The following DAB1 variants were observed in gnomAD, a reference collection of about 807,000 sequenced individuals.
DAB1 encodes disabled homolog 1.
Under a neutral mutation model 64.6 loss-of-function variants are expected in DAB1, and 15 were observed. The ratio of observed to expected loss-of-function variants is 0.23; its 90% CI spans 0.16 to 0.36. DAB1 has a LOEUF of 0.36. Ranked by LOEUF, DAB1 falls within the 10% of genes least tolerant of loss-of-function variation. The pLI is 1.00. For synonymous variants in DAB1, 235 were observed against 251.9 expected, an observed-to-expected ratio of 0.93 and a Z score of 0.64; for missense variants, 596 against 706.7, an observed-to-expected ratio of 0.84 and a Z score of 1.78.
intron 6 of DAB1, among the ~76,000 whole-genome samples, chr1:57,786,345 T>C (rs530574738): frequency 5.3e-5 from 8 of 152,230 alleles, no homozygotes; most frequent in Admixed American, 2.0e-4. Flanking sequence ...TGTACCAATA[T>C]AGATGCTATT....
chr1:57,373,072 T>C (rs931595189), intron 1 of DAB1, among the ~76,000 whole-genome samples: 7 of 152,012 alleles, frequency 4.6e-5, no homozygotes, highest in African/African-American at 1.5e-4. Flanking sequence ...TAGTCTCAGC[T>C]ACTCTGGGAG....
chr1:57,148,770 G>A (rs536711441), intron 2 of DAB1, among the ~76,000 whole-genome samples: 3 of 152,296 alleles, frequency 2.0e-5, no homozygotes, highest in East Asian at 3.9e-4. Context: ...GCTCCATAAT[G>A]AGTCCTCTTT....
At chr1:57,185,253 G>C (rs886259581) in intron 2 of DAB1, among the ~76,000 whole-genome samples, 1 of 152,128 alleles carries the variant, frequency 6.6e-6, no homozygotes, top group Admixed American at 6.6e-5. Context: ...TTATTCCATA[G>C]TACCCTGGGC....
intron 6 of DAB1, among the ~76,000 whole-genome samples, chr1:57,733,200 A>G (rs1454732765): frequency 6.6e-6 from 1 of 151,878 alleles, no homozygotes; most frequent in African/African-American, 2.4e-5. Flanking sequence ...TAAAATTGCA[A>G]CTTGCTCTCC....
chr1:57,718,803 C>G (rs1182515557), intron 6 of DAB1, among the ~76,000 whole-genome samples: 1 of 151,982 alleles, frequency 6.6e-6, no homozygotes, highest in Non-Finnish European at 1.5e-5. Flanking sequence ...TTGAAATATT[C>G]AATCAGATAA....
intron 5 of DAB1, among the ~76,000 whole-genome samples, chr1:58,011,970 C>T (rs577565221): frequency 2.9e-3 from 446 of 152,250 alleles, no homozygotes; most frequent in African/African-American, 9.4e-3. Flanking sequence ...GAATTACAGG[C>T]GTGAGCCACC....
intron 7 of DAB1, among the ~76,000 whole-genome samples, chr1:57,444,292 C>A (rs962243715): frequency 6.6e-6 from 1 of 152,078 alleles, no homozygotes; most frequent in Non-Finnish European, 1.5e-5. Flanking sequence ...TCTGTCATTT[C>A]CCTTAATAGA....
chr1:57,889,513 A>C (rs1395604772), intron 5 of DAB1, among the ~76,000 whole-genome samples: 1 of 152,256 alleles, frequency 6.6e-6, no homozygotes. Flanking sequence ...TAAAAGGCTA[A>C]AACATATTTT....
At position 58,079,515 on chromosome 1, in the gene DAB1, CTTTTTTTT is replaced by C. The variant is rs66960756; in HGVS notation, n.387+70988_387+70995del. 7.6e-3 allele frequency among the ~76,000 whole-genome samples: 516 copies of C among 67,872 alleles called. 2 individuals are homozygous for C. The highest frequency in any genetic ancestry group is 0.028 in the African/African-American group (496 of 17,478). 44.5% of individuals were successfully genotyped at this position (67,872 alleles called of 152,430 possible). ...ATTGTTAAATGAATGAGCATACCAT[CTTTTTTTT>C]TTTTTTTTTTTTTTTTTGAGATGGA... On this transcript the variant is annotated intron_variant and non_coding_transcript_variant, in intron 5 of 20. Transcript: ENST00000485760.
At chr1:58,294,242 C>A (rs1661916078) in intron 4 of DAB1, among the ~76,000 whole-genome samples, 1 of 152,070 alleles carries the variant, frequency 6.6e-6, no homozygotes, top group African/African-American at 2.4e-5. Flanking sequence ...TGAAAAAAAT[C>A]TCCCAAATGC....
At chr1:58,470,911 G>A (rs749849213) in intron 3 of DAB1, among the ~76,000 whole-genome samples, 9 of 152,102 alleles carry the variant, frequency 5.9e-5, no homozygotes, top group African/African-American at 9.7e-5. Context: ...CTGTAGACTT[G>A]GATCCAGGCA....
intron 3 of DAB1, chr1:58,468,440 CATG>C (rs1219740354): frequency 6.6e-6 from 1 of 152,174 alleles, no homozygotes; most frequent in African/African-American, 2.4e-5. Flanking sequence ...TATTCCATTG[CATG>C]ATGATATCAT....
chr1:57,445,857 C>T (rs1686118039), intron 7 of DAB1, among the ~76,000 whole-genome samples: 1 of 152,140 alleles, frequency 6.6e-6, no homozygotes, highest in South Asian at 2.1e-4. Context: ...CACTTGAGGA[C>T]TTTCTGATGA....
intron 1 of DAB1, among the ~76,000 whole-genome samples, chr1:57,378,923 C>T (rs1474966928): frequency 6.6e-6 from 1 of 152,154 alleles, no homozygotes; most frequent in African/African-American, 2.4e-5. Flanking sequence ...CTTTGATTAG[C>T]TTCTCTTCTA....
intron 2 of DAB1, among the ~76,000 whole-genome samples, chr1:57,236,464 A>T (rs1668095253): frequency 6.6e-6 from 1 of 152,180 alleles, no homozygotes; most frequent in Non-Finnish European, 1.5e-5. Context: ...AAGGACAAGC[A>T]CAAAGAACGT....
At chr1:58,334,556 G>A (rs1663055394) in intron 4 of DAB1, among the ~76,000 whole-genome samples, 1 of 150,578 alleles carries the variant, frequency 6.6e-6, no homozygotes, top group African/African-American at 2.4e-5. Flanking sequence ...AGTGTGGAAA[G>A]CTCACAGGCA....
At chr1:57,082,167 T>G (rs555374233) in intron 4 of DAB1, among the ~76,000 whole-genome samples, 2 of 152,296 alleles carry the variant, frequency 1.3e-5, no homozygotes, top group South Asian at 4.1e-4. Context: ...AGTTTTAGAA[T>G]TATCCTTTTA....
intron 4 of DAB1, among the ~76,000 whole-genome samples, 199 bp downstream of exon 4, chr1:57,136,344 T>C (rs1404750796): frequency 6.6e-6 from 1 of 152,180 alleles, no homozygotes; most frequent in Non-Finnish European, 1.5e-5. Flanking sequence ...CATTACACTA[T>C]AAGAAACACA....
intron 1 of DAB1, among the ~76,000 whole-genome samples, chr1:57,853,356 G>A (rs1653616785): frequency 6.6e-6 from 1 of 152,004 alleles, no homozygotes; most frequent in East Asian, 1.9e-4. Flanking sequence ...TACTGAAGAG[G>A]TCCAAGAGGC....
Sources: allele counts gnomAD v4.1 joint callset (sites outside exome capture counted in the v4.1 genomes callset), GRCh38; gene constraint gnomAD v4.1.1; transcripts MANE v1.5; gene names NCBI Gene and HGNC (gene_info 2026-07-23, HGNC 2026-07-21).